Variants in ENTREP2 observed in about 807,000 individuals in gnomAD.
ENTREP2 encodes the protein protein ENTREP2.
chr15:29,479,099 T>C, the ENTREP2 span, among the ~76,000 whole-genome samples: 19 of 145,450 alleles, frequency 1.3e-4, no homozygotes, highest in Non-Finnish European at 2.1e-4. Flanking sequence ...CCCAGCTACT[T>C]GGGAGGCTGA....
At chr15:29,487,548 A>G in the ENTREP2 span, among the ~76,000 whole-genome samples, 1 of 152,212 alleles carries the variant, frequency 6.6e-6, no homozygotes. Flanking sequence ...ACAAACAACT[A>G]AACAGAGACT....
chr15:29,254,161 C>CAAAA, the ENTREP2 span, among the ~76,000 whole-genome samples: 195 of 61,310 alleles, frequency 3.2e-3, 20 homozygotes, highest in South Asian at 0.01. Context: ...TGTTAAAGAG[C>CAAAA]AAAAAAAAAA....
chr15:29,593,944 C>A, the ENTREP2 span, among the ~76,000 whole-genome samples: 2 of 152,072 alleles, frequency 1.3e-5, no homozygotes, highest in Admixed American at 1.3e-4. Flanking sequence ...TCTCAATAAG[C>A]TCTATGGATT....
At chr15:29,638,081 CCTG>C in the ENTREP2 span, among the ~76,000 whole-genome samples, 7 of 152,308 alleles carry the variant, frequency 4.6e-5, no homozygotes, top group South Asian at 1.0e-3. Context: ...ATGGCTGCTG[CCTG>C]CTGATCAGAA....
the ENTREP2 span, among the ~76,000 whole-genome samples, chr15:29,409,015 A>G: frequency 6.6e-6 from 1 of 152,222 alleles, no homozygotes. Flanking sequence ...GTATGATTTC[A>G]TACCCAATTC....
the ENTREP2 span, among the ~76,000 whole-genome samples, chr15:29,297,433 T>C: frequency 6.6e-6 from 1 of 152,218 alleles, no homozygotes; most frequent in East Asian, 1.9e-4. Flanking sequence ...ATTCTCCTGA[T>C]GACAGATAAA....
the ENTREP2 span, among the ~76,000 whole-genome samples, chr15:29,429,221 CCA>C: frequency 6.6e-6 from 1 of 151,994 alleles, no homozygotes; most frequent in Non-Finnish European, 1.5e-5. Flanking sequence ...ATCCATCCAT[CCA>C]TCCATCCATC....
the ENTREP2 span, among the ~76,000 whole-genome samples, chr15:29,387,121 T>C: frequency 6.6e-6 from 1 of 152,212 alleles, no homozygotes; most frequent in Non-Finnish European, 1.5e-5. Context: ...TTCAGTATGA[T>C]ATTGGCTGTG....
At chr15:29,525,346 G>A in the ENTREP2 span, among the ~76,000 whole-genome samples, 1 of 152,188 alleles carries the variant, frequency 6.6e-6, no homozygotes, top group Admixed American at 6.5e-5. Context: ...TCCATCATGC[G>A]ATGCATGGAT....
the ENTREP2 span, among the ~76,000 whole-genome samples, chr15:29,163,724 A>G: frequency 6.6e-6 from 1 of 152,160 alleles, no homozygotes; most frequent in Non-Finnish European, 1.5e-5. Flanking sequence ...AGAATTATAA[A>G]AGCTTGGAAA....
At chr15:29,202,017 G>A in the ENTREP2 span, among the ~76,000 whole-genome samples, 2 of 152,144 alleles carry the variant, frequency 1.3e-5, no homozygotes, top group Non-Finnish European at 2.9e-5. Flanking sequence ...TGTTTTCCAA[G>A]AAATTGATCT....
chr15:29,311,273 C>A, the ENTREP2 span, among the ~76,000 whole-genome samples: 5 of 152,142 alleles, frequency 3.3e-5, no homozygotes, highest in Non-Finnish European at 7.3e-5. Context: ...GAATTTATGA[C>A]CACATAACAG....
At chr15:29,170,082 G>A in the ENTREP2 span, among the ~76,000 whole-genome samples, 1 of 151,908 alleles carries the variant, frequency 6.6e-6, no homozygotes, top group Non-Finnish European at 1.5e-5. Flanking sequence ...CCGAGGCAGG[G>A]GGATCATGAG....
the ENTREP2 span, among the ~76,000 whole-genome samples, chr15:29,614,518 C>T: frequency 6.6e-5 from 10 of 152,296 alleles, no homozygotes; most frequent in South Asian, 2.1e-3. Flanking sequence ...TGAATGTCTC[C>T]TCTCTCTTTC....
the ENTREP2 span, among the ~76,000 whole-genome samples, chr15:29,576,270 G>A: frequency 1.3e-5 from 2 of 152,156 alleles, no homozygotes; most frequent in Non-Finnish European, 2.9e-5. Flanking sequence ...GGGACAACTG[G>A]ACTTGTACTT....
At chr15:29,630,351 C>T in the ENTREP2 span, among the ~76,000 whole-genome samples, 3 of 152,054 alleles carry the variant, frequency 2.0e-5, no homozygotes, top group Admixed American at 6.5e-5. Flanking sequence ...AATCATTGTT[C>T]CCCTGTAACT....
chr15:29,195,665 C>A, the ENTREP2 span, among the ~76,000 whole-genome samples: 1 of 152,122 alleles, frequency 6.6e-6, no homozygotes, highest in Non-Finnish European at 1.5e-5. Context: ...GCTGGGACTA[C>A]AGGCGCCCAC....
chr15:29,642,480 C>CATATAT, the ENTREP2 span, among the ~76,000 whole-genome samples: 14 of 134,534 alleles, frequency 1.0e-4, no homozygotes, highest in South Asian at 2.4e-4. Flanking sequence ...ACTGTATATA[C>CATATAT]ACATATATAC....
At chr15:29,436,168 G>A in the ENTREP2 span, among the ~76,000 whole-genome samples, 12 of 152,124 alleles carry the variant, frequency 7.9e-5, no homozygotes, top group African/African-American at 2.9e-4. Flanking sequence ...TCTCTACAAT[G>A]TCAGGAATCA....
Sources: allele counts gnomAD v4.1 joint callset (sites outside exome capture counted in the v4.1 genomes callset), GRCh38; gene constraint gnomAD v4.1.1; transcripts MANE v1.5; gene names NCBI Gene and HGNC (gene_info 2026-07-23, HGNC 2026-07-21).